Variants in FAM13A observed in about 807,000 individuals in gnomAD.
FAM13A encodes family with sequence similarity 13 member A.
A neutral mutation model predicts 129.6 loss-of-function variants in FAM13A; 76 were observed. The observed-to-expected ratio is 0.59, with a 90% CI of 0.49 to 0.71. The LOEUF is 0.71. Among genes scored for constraint, FAM13A ranks in the 30% least tolerant of loss-of-function variants. FAM13A has a pLI of 0.00. For synonymous variants in FAM13A, 443 were observed against 449.9 expected (o/e 0.98, Z 0.20); for missense variants, 1,108 against 1,249.3 (o/e 0.89, Z 1.70).
In FAM13A at chr4:88,819,706, ATAT is replaced by A. The variant is rs374690430; in HGVS notation, c.1008-14657_1008-14655del. Among the ~76,000 whole-genome samples, 62 of 152,200 alleles carry A rather than the reference ATAT, an allele frequency of 4.1e-4. No homozygotes were observed. In the South Asian group the frequency reaches 5.0e-3, roughly 12 times the overall value. On this transcript the variant is annotated intron_variant, in intron 7 of 23. Transcript: ENST00000264344. ...TAGTTTCTCCCTCCCTTTATTTCTG[ATAT>A]TATTTTATTTTTCTCAAGGAACTTT...
intron 5 of FAM13A, among the ~76,000 whole-genome samples, chr4:88,924,133 G>T (rs1182465949): frequency 3.3e-5 from 5 of 152,162 alleles, no homozygotes; most frequent in Admixed American, 3.3e-4. Context: ...ACTGCCCAAG[G>T]TAATTTATAC....
chr4:88,728,440 G>T lies in FAM13A; in HGVS notation c.*93C>A. On this transcript the variant is annotated 3_prime_UTR_variant, in exon 24 of 24. Transcript: ENST00000264344. ...GCAGAAGGGCTGCATGCTTTGCAGG[G>T]CCAGCCCCAAGGCTGCCTTCCAGAG... The T allele has an allele frequency of 6.6e-7, 1 of 1,515,456 alleles. No individual in the cohort carries two copies. The highest frequency in any genetic ancestry group is 9.1e-7 in the Non-Finnish European group (1 of 1,100,104). The allele number at this position is 1,515,456 out of a possible 1,614,324, so 93.9% of individuals were successfully genotyped here. A position where few individuals can be genotyped will look rare whatever the true frequency, so the allele number is the denominator to read the frequency against.
At chr4:88,864,161 G>C (rs942339995) in intron 6 of FAM13A, among the ~76,000 whole-genome samples, 1 of 152,154 alleles carries the variant, frequency 6.6e-6, no homozygotes, top group Admixed American at 6.5e-5. Flanking sequence ...TCTACTGAAA[G>C]GTAAAAAGAG....
intron 4 of FAM13A, among the ~76,000 whole-genome samples, chr4:88,944,481 CT>C (rs1277295408): frequency 5.3e-5 from 8 of 152,224 alleles, no homozygotes; most frequent in Non-Finnish European, 1.0e-4. Flanking sequence ...CAAGGGTTCC[CT>C]GCCTTATAGC....
chr4:89,037,104 G>A (rs1356947907), intron 1 of FAM13A, among the ~76,000 whole-genome samples: 1 of 152,190 alleles, frequency 6.6e-6, no homozygotes, highest in Non-Finnish European at 1.5e-5. Context: ...TGAGAGAAGA[G>A]GACCACCATC....
intron 4 of FAM13A, among the ~76,000 whole-genome samples, chr4:88,965,712 A>AT (rs1277808107): frequency 2.0e-5 from 3 of 152,128 alleles, no homozygotes; most frequent in African/African-American, 7.2e-5. Flanking sequence ...TCCATTAAAC[A>AT]TATCTCCTTT....
At chr4:88,887,533 TC>T (rs66816184) in intron 6 of FAM13A, among the ~76,000 whole-genome samples, 38,082 of 142,958 alleles carry the variant, frequency 0.27, 6,118 homozygotes, top group Middle Eastern at 0.34. Flanking sequence ...TTTCTTTCTT[TC>T]TTTTTTTTTT....
At chr4:88,828,646 A>ATCAATTAC (rs947031472) in intron 7 of FAM13A, among the ~76,000 whole-genome samples, 1 of 152,234 alleles carries the variant, frequency 6.6e-6, no homozygotes, top group African/African-American at 2.4e-5. Flanking sequence ...TAATGGATAC[A>ATCAATTAC]TCAATTACTC....
rs541529809 is a variant in FAM13A, at chr4:88,821,814, C to T, written c.1008-16762G>A. ...TGCTCCCTTGGATTCTTAATTTTTA[C>T]AAAAGGAACTCTTTGGACACCCCCA... is the stretch of plus-strand genomic sequence containing the variant. On this transcript the variant is annotated intron_variant, in intron 7 of 23. Transcript: ENST00000264344. 1.4e-3 allele frequency among the ~76,000 whole-genome samples: 217 copies of T among 152,224 alleles called. 1 individual carries two copies. The highest frequency in any genetic ancestry group is 5.0e-3 in the African/African-American group (209 of 41,546).
At chr4:88,846,343 A>G (rs1312442539) in intron 7 of FAM13A, among the ~76,000 whole-genome samples, 1 of 152,246 alleles carries the variant, frequency 6.6e-6, no homozygotes, top group East Asian at 1.9e-4. Flanking sequence ...GATTACTTCA[A>G]TAACTTTTGA....
At chr4:89,041,700 C>T (rs1265826183) in intron 1 of FAM13A, among the ~76,000 whole-genome samples, 1 of 152,026 alleles carries the variant, frequency 6.6e-6, no homozygotes, top group African/African-American at 2.4e-5. Flanking sequence ...GGGGATGGAT[C>T]ACTTGAGCCC....
chr4:88,843,161 G>A (rs978798818), intron 7 of FAM13A, among the ~76,000 whole-genome samples: 5 of 152,060 alleles, frequency 3.3e-5, no homozygotes, highest in African/African-American at 4.8e-5. Flanking sequence ...GGCCCTTTTC[G>A]AGTCTACCTT....
chr4:88,750,763 T>C, intron 14 of FAM13A, 126 bp from the exon 15 acceptor site: 1 of 685,322 alleles, frequency 1.5e-6, no homozygotes, highest in South Asian at 1.9e-5. Context: ...GTTTCTCATT[T>C]TACAGCTAAG....
chr4:88,990,917 G>T, intron 4 of FAM13A, 56 bp downstream of exon 4: 1 of 1,326,748 alleles, frequency 7.5e-7, no homozygotes, highest in Non-Finnish European at 1.1e-6. Context: ...ATTTCAGACA[G>T]TAGTAAACAC....
intron 5 of FAM13A, among the ~76,000 whole-genome samples, chr4:88,916,184 A>G (rs965826019): frequency 6.6e-6 from 1 of 152,178 alleles, no homozygotes; most frequent in African/African-American, 2.4e-5. Flanking sequence ...TCAAAACTAC[A>G]AAGAATAAAT....
At chr4:88,977,003 T>C (rs1761007776) in intron 4 of FAM13A, among the ~76,000 whole-genome samples, 1 of 152,172 alleles carries the variant, frequency 6.6e-6, no homozygotes, top group Admixed American at 6.5e-5. Flanking sequence ...GCACACTCTA[T>C]GATATTCACA....
chr4:88,746,823 T>G (rs1741444919), intron 19 of FAM13A, 109 bp downstream of exon 19: 2 of 734,390 alleles, frequency 2.7e-6, no homozygotes, highest in Non-Finnish European at 4.8e-6. Flanking sequence ...ATCCTAAAAG[T>G]AAAGCAAGCA....
chr4:88,835,068 T>C (rs144646944), intron 7 of FAM13A, among the ~76,000 whole-genome samples: 2 of 152,314 alleles, frequency 1.3e-5, no homozygotes, highest in East Asian at 1.9e-4. Context: ...AAAGCTTTGA[T>C]TGCTTTTCAT....
At chr4:88,775,370 G>A (rs192872852) in intron 11 of FAM13A, among the ~76,000 whole-genome samples, 1 of 152,210 alleles carries the variant, frequency 6.6e-6, no homozygotes, top group African/African-American at 2.4e-5. Flanking sequence ...TTGGGGTTGG[G>A]GATGGAATCT....
Sources: gnomAD v4.1 joint callset for allele counts (sites outside exome capture counted in the v4.1 genomes callset) on GRCh38, gnomAD v4.1.1 for gene constraint, MANE v1.5 for transcripts, NCBI Gene and HGNC (gene_info 2026-07-23, HGNC 2026-07-21) for gene names.